The following RALA variants were observed in gnomAD, a reference collection of about 807,000 sequenced individuals.
RALA encodes the protein ras-related protein Ral-A.
In RALA, 5 loss-of-function variants were observed where a neutral mutation model predicts 24.0. That is an observed-to-expected ratio of 0.21 (90% CI 0.11 to 0.44). The LOEUF (loss-of-function observed/expected upper bound fraction) is 0.44, where lower values mean the gene tolerates loss of function less well. Among genes scored for constraint, RALA ranks in the 20% least tolerant of loss-of-function variants. The pLI is 0.99. For synonymous variants in RALA, 77 were observed against 83.8 expected, an observed-to-expected ratio of 0.92 and a Z score of 0.44; for missense variants, 95 against 241.2, an observed-to-expected ratio of 0.39 and a Z score of 4.01.
intron 1 of RALA, among the ~76,000 whole-genome samples, chr7:39,645,223 G>A (rs905596505): frequency 1.1e-4 from 17 of 152,056 alleles, no homozygotes; most frequent in South Asian, 4.1e-4. Context: ...AAATTCTTGG[G>A]ACAAGGGTAA....
At chr7:39,676,739 T>G (rs1271354799) in intron 1 of RALA, among the ~76,000 whole-genome samples, 1 of 152,186 alleles carries the variant, frequency 6.6e-6, no homozygotes, top group Non-Finnish European at 1.5e-5. Flanking sequence ...CCTTACTTGG[T>G]AGAGTATTCC....
intron 1 of RALA, among the ~76,000 whole-genome samples, chr7:39,675,689 A>G (rs898241690): frequency 6.6e-6 from 1 of 151,640 alleles, no homozygotes; most frequent in African/African-American, 2.4e-5. Flanking sequence ...TGGTACCATT[A>G]CATTCTACAC....
At chr7:39,698,789 G>A (rs1382520667) in intron 4 of RALA, among the ~76,000 whole-genome samples, 2 of 152,088 alleles carry the variant, frequency 1.3e-5, no homozygotes, top group African/African-American at 2.4e-5. Flanking sequence ...GGGAAGTATG[G>A]TGTCTGTATT....
intron 1 of RALA, among the ~76,000 whole-genome samples, chr7:39,656,231 A>T (rs767329039): frequency 7.2e-5 from 11 of 152,188 alleles, no homozygotes; most frequent in Admixed American, 2.0e-4. Context: ...CTTGTTTCTG[A>T]GTATTTCTTG....
At chr7:39,661,001 G>A (rs1792176918) in intron 1 of RALA, among the ~76,000 whole-genome samples, 1 of 152,136 alleles carries the variant, frequency 6.6e-6, no homozygotes, top group Non-Finnish European at 1.5e-5. Context: ...TGGCTGGAGA[G>A]ACCTCACAAT....
At position 39,633,674 on chromosome 7, in the gene RALA, A is replaced by G. The variant is rs577497450; in HGVS notation, c.-38+9849A>G. 2.2e-4 allele frequency among the ~76,000 whole-genome samples: 34 copies of G among 152,312 alleles called. 2 individuals carry two copies. The South Asian group carries it at 7.1e-3, about 32-fold the overall frequency. On this transcript the variant is annotated intron_variant, in intron 1 of 4. Coordinates refer to ENST00000005257, the MANE Select transcript of RALA (RefSeq NM_005402.4). ...AGATGAGTTTATCCACTGGGGGGTA[A>G]TCCTAGAGTACATATCTGTGGGTGG...
At chr7:39,630,096 T>C (rs1410172620) in intron 1 of RALA, among the ~76,000 whole-genome samples, 2 of 151,886 alleles carry the variant, frequency 1.3e-5, no homozygotes, top group Admixed American at 1.3e-4. Context: ...AGTGCAGCGG[T>C]GCAATGGTGC....
chr7:39,684,675 G>GGCCAGACA, intron 1 of RALA, among the ~76,000 whole-genome samples: 1 of 150,446 alleles, frequency 6.6e-6, no homozygotes, highest in South Asian at 2.1e-4. Context: ...AATTGTCTTG[G>GGCCAGACA]GCCAGACATA....
At chr7:39,687,009 A>G (rs1196998624) in intron 2 of RALA, among the ~76,000 whole-genome samples, 2 of 152,162 alleles carry the variant, frequency 1.3e-5, no homozygotes, top group Non-Finnish European at 2.9e-5. Flanking sequence ...TAAAAACAGT[A>G]CGCCTTTTTT....
chr7:39,652,678 G>A (rs371933747), intron 1 of RALA, among the ~76,000 whole-genome samples: 1 of 152,146 alleles, frequency 6.6e-6, no homozygotes, highest in Non-Finnish European at 1.5e-5. Context: ...TTTTACAGAG[G>A]TTTGCTACTT....
intron 1 of RALA, among the ~76,000 whole-genome samples, chr7:39,646,429 G>A (rs113872468): frequency 1.5e-4 from 23 of 152,126 alleles, no homozygotes; most frequent in Admixed American, 4.6e-4. Context: ...GAGATCAGTC[G>A]GGGCAACACA....
intron 3 of RALA, among the ~76,000 whole-genome samples, chr7:39,693,190 T>C (rs1792860934): frequency 6.6e-6 from 1 of 152,078 alleles, no homozygotes; most frequent in Non-Finnish European, 1.5e-5. Context: ...AATGATAGAC[T>C]GAATTAAGAA....
intron 1 of RALA, among the ~76,000 whole-genome samples, chr7:39,646,130 A>G (rs2115955679): frequency 6.6e-6 from 1 of 152,306 alleles, no homozygotes; most frequent in South Asian, 2.1e-4. Context: ...TACTAGAAGA[A>G]TGAAATGTTT....
At chr7:39,667,119 A>G (rs1318645811) in intron 1 of RALA, among the ~76,000 whole-genome samples, 1 of 152,200 alleles carries the variant, frequency 6.6e-6, no homozygotes, top group Non-Finnish European at 1.5e-5. Context: ...TTGGTCATCC[A>G]TATCAGAAAA....
intron 1 of RALA, among the ~76,000 whole-genome samples, chr7:39,651,886 GA>G (rs1344027215): frequency 1.3e-5 from 2 of 152,034 alleles, no homozygotes; most frequent in Non-Finnish European, 2.9e-5. Context: ...TTTTTACTAT[GA>G]TGAATAATGT....
intron 3 of RALA, among the ~76,000 whole-genome samples, chr7:39,693,794 A>G (rs1792872569): frequency 6.6e-6 from 1 of 152,222 alleles, no homozygotes; most frequent in African/African-American, 2.4e-5. Context: ...CTTAGCCTGC[A>G]TCACCCAGAT....
chr7:39,663,401 G>T (rs1211825429), intron 1 of RALA, among the ~76,000 whole-genome samples: 5 of 152,252 alleles, frequency 3.3e-5, no homozygotes, highest in Admixed American at 3.3e-4. Flanking sequence ...TGTGTGAGCA[G>T]TTCATCTCTC....
chr7:39,700,040 G>C (rs1414162496), intron 4 of RALA, among the ~76,000 whole-genome samples: 1 of 152,132 alleles, frequency 6.6e-6, no homozygotes, highest in Non-Finnish European at 1.5e-5. Flanking sequence ...TGCGGGACTT[G>C]AGTAGGTAGA....
intron 1 of RALA, among the ~76,000 whole-genome samples, chr7:39,648,290 T>C (rs943233567): frequency 1.3e-5 from 2 of 152,210 alleles, no homozygotes; most frequent in Admixed American, 6.5e-5. Flanking sequence ...CATTGACTTA[T>C]ACTCTAGTCC....
Sources: allele counts gnomAD v4.1 joint callset (sites outside exome capture counted in the v4.1 genomes callset), GRCh38; gene constraint gnomAD v4.1.1; transcripts MANE v1.5; gene names NCBI Gene and HGNC (gene_info 2026-07-23, HGNC 2026-07-21).